Variants in RCL1 observed in about 807,000 individuals in gnomAD.
The protein encoded by RCL1 is RNA 3'-terminal phosphate cyclase-like protein.
In RCL1, 24 loss-of-function variants were observed where a neutral mutation model predicts 42.4. That is an observed-to-expected ratio of 0.57 (90% CI 0.41 to 0.80). The LOEUF (loss-of-function observed/expected upper bound fraction) is 0.80, where lower values mean the gene tolerates loss of function less well. Among genes scored for constraint, RCL1 ranks in the 30% least tolerant of loss-of-function variants. The probability of loss-of-function intolerance (pLI) is 0.00; values close to 1 mark genes in which losing one functional copy is unlikely to be tolerated. For missense variants in RCL1, 578 were observed against 467.9 expected (o/e 1.24, Z -2.17); for synonymous variants, 228 against 177.3 (o/e 1.29, Z -2.27).
At chr9:4,841,066 GA>G in intron 5 of RCL1, 165 bp from the exon 6 acceptor site, 1 of 683,526 alleles carries the variant, frequency 1.5e-6, no homozygotes, top group Non-Finnish European at 2.4e-6. Context: ...TTATAATAAT[GA>G]AAAAAATTTA....
intron 2 of RCL1, among the ~76,000 whole-genome samples, chr9:4,826,624 G>A (rs1409846115): frequency 6.6e-6 from 1 of 152,178 alleles, no homozygotes; most frequent in Non-Finnish European, 1.5e-5. Flanking sequence ...GGCTCAGAGA[G>A]GGGTTTACTT....
At chr9:4,798,552 C>T (rs1842949224) in intron 1 of RCL1, among the ~76,000 whole-genome samples, 1 of 152,148 alleles carries the variant, frequency 6.6e-6, no homozygotes. Flanking sequence ...TCAAAAGGGT[C>T]CTTTAAAATG....
intron 8 of RCL1, among the ~76,000 whole-genome samples, chr9:4,851,684 T>A (rs965160372): frequency 6.6e-6 from 1 of 152,124 alleles, no homozygotes; most frequent in African/African-American, 2.4e-5. Context: ...AGAAACCTGT[T>A]TTGTGAAACC....
At position 4,818,011 on chromosome 9, in the gene RCL1, C is replaced by T. The variant is rs140626537; in HGVS notation, c.137-5537C>T. Among the ~76,000 whole-genome samples, 685 of 148,098 alleles carry T rather than the reference C, an allele frequency of 4.6e-3. 3 individuals carry two copies. Among genetic ancestry groups the T allele is most frequent in the African/African-American group, 0.016 (652 of 39,752 alleles). On this transcript the variant is annotated intron_variant, in intron 1 of 8. Coordinates refer to ENST00000381750, the MANE Select transcript of RCL1 (RefSeq NM_005772.5). ...TCTCGTCTCACTGCAACTTCTGCCT[C>T]CTAGGTTCAAGCTATTCTCCTGACT... is the stretch of plus-strand genomic sequence containing the variant.
In RCL1 at chr9:4,841,414, G is replaced by C. The variant is rs916453882; in HGVS notation, c.710+57G>C. The C allele has an allele frequency of 2.1e-6, 3 of 1,436,140 alleles. No individual in the cohort carries two copies. In the African/African-American group the frequency reaches 4.2e-5, roughly 20 times the overall value. 89.0% of individuals were successfully genotyped at this position (1,436,140 alleles called of 1,614,324 possible). On this transcript the variant is annotated intron_variant, in intron 6 of 8. Transcript: ENST00000381750. ...GCAGCTTTTTCACATGCCTGTTCTA[G>C]TTGAAGTTAAAACTGCCAGCTCTGA...
intron 5 of RCL1, chr9:4,839,707 G>A (rs1270549400): frequency 2.1e-5 from 21 of 985,026 alleles, no homozygotes; most frequent in African/African-American, 3.5e-5. Flanking sequence ...TGTCCTTTGA[G>A]TCAAGTTAAA....
chr9:4,848,057 T>C (rs1817583069), intron 7 of RCL1, among the ~76,000 whole-genome samples: 1 of 152,154 alleles, frequency 6.6e-6, no homozygotes, highest in Admixed American at 6.5e-5. Context: ...AAAATACTGG[T>C]CCAGTGAATG....
At chr9:4,794,868 G>C (rs1182939394) in intron 1 of RCL1, among the ~76,000 whole-genome samples, 6 of 152,072 alleles carry the variant, frequency 3.9e-5, no homozygotes, top group Non-Finnish European at 5.9e-5. Flanking sequence ...TTGGCCACTT[G>C]GCACTTTCTT....
intron 1 of RCL1, among the ~76,000 whole-genome samples, chr9:4,810,125 G>T (rs1816121294): frequency 6.6e-6 from 1 of 152,168 alleles, no homozygotes; most frequent in African/African-American, 2.4e-5. Flanking sequence ...ACCGCATCCT[G>T]CCAGTTTTCG....
chr9:4,844,214 T>C (rs2236495), intron 6 of RCL1, among the ~76,000 whole-genome samples: 32,367 of 152,136 alleles, frequency 0.21, 3,813 homozygotes, highest in East Asian at 0.55. Context: ...TGTGTTGTGG[T>C]TGCATACGGA....
chr9:4,805,576 T>C (rs1210111446), intron 1 of RCL1, among the ~76,000 whole-genome samples: 1 of 152,202 alleles, frequency 6.6e-6, no homozygotes, highest in African/African-American at 2.4e-5. Context: ...GCAGGGTAAG[T>C]AGGTCAAGTG....
At chr9:4,809,498 C>T (rs1182488843) in intron 1 of RCL1, among the ~76,000 whole-genome samples, 7 of 151,920 alleles carry the variant, frequency 4.6e-5, no homozygotes, top group African/African-American at 7.3e-5. Context: ...TTAGTAGAGA[C>T]GGGATTTCAC....
chr9:4,801,232 C>T (rs1437663244), intron 1 of RCL1, among the ~76,000 whole-genome samples: 1 of 152,126 alleles, frequency 6.6e-6, no homozygotes, highest in East Asian at 1.9e-4. Context: ...AGTACAGTGA[C>T]ACGATCATGG....
At chr9:4,802,511 T>C (rs956606661) in intron 1 of RCL1, among the ~76,000 whole-genome samples, 6 of 152,226 alleles carry the variant, frequency 3.9e-5, no homozygotes, top group Admixed American at 2.6e-4. Context: ...CTTAAATCTG[T>C]TTCTTTTCCC....
chr9:4,818,930 C>G (rs1467060101), intron 1 of RCL1, among the ~76,000 whole-genome samples: 1 of 149,698 alleles, frequency 6.7e-6, no homozygotes, highest in East Asian at 1.9e-4. Context: ...AACTTTTAAA[C>G]TTTTCCTCAC....
intron 5 of RCL1, chr9:4,839,750 T>C: frequency 1.0e-6 from 1 of 972,866 alleles, no homozygotes; most frequent in Non-Finnish European, 1.2e-6. Flanking sequence ...ACAAAAGTGG[T>C]GTATTGGAGA....
chr9:4,807,265 T>C (rs1331957185), intron 1 of RCL1, among the ~76,000 whole-genome samples: 3 of 152,218 alleles, frequency 2.0e-5, no homozygotes, highest in Non-Finnish European at 4.4e-5. Flanking sequence ...TTTCAATTTA[T>C]TTCTGTTCTT....
chr9:4,821,176 C>T (rs914950825), intron 1 of RCL1, among the ~76,000 whole-genome samples: 1 of 152,046 alleles, frequency 6.6e-6, no homozygotes, highest in African/African-American at 2.4e-5. Flanking sequence ...GTAATCCCAG[C>T]GTTTGTGAGC....
chr9:4,845,329 G>C (rs933920227), intron 7 of RCL1, among the ~76,000 whole-genome samples: 1 of 152,256 alleles, frequency 6.6e-6, no homozygotes, highest in African/African-American at 2.4e-5. Context: ...GTTGAAGACA[G>C]ACTCAACCAG....
Sources: gnomAD v4.1 joint callset for allele counts (sites outside exome capture counted in the v4.1 genomes callset) on GRCh38, gnomAD v4.1.1 for gene constraint, MANE v1.5 for transcripts, NCBI Gene and HGNC (gene_info 2026-07-23, HGNC 2026-07-21) for gene names.